PRLR: variants seen among roughly 807,000 people sequenced by gnomAD.
The protein encoded by PRLR is prolactin receptor, also known as hPRL receptor.
In PRLR, 13 loss-of-function variants were observed where a neutral mutation model predicts 40.2. The observed-to-expected ratio is 0.32, with a 90% CI of 0.21 to 0.51. The LOEUF is 0.51. Ranked by LOEUF, PRLR falls within the 20% of genes least tolerant of loss-of-function variation. PRLR has a pLI of 0.97. For missense variants in PRLR, 656 were observed against 747.3 expected (o/e 0.88, Z 1.42); for synonymous variants, 269 against 278.7 (o/e 0.97, Z 0.35).
rs546706494 is a variant in PRLR, at chr5:35,125,790, C to T, written c.-105-7668G>A. On this transcript the variant is annotated intron_variant, in intron 1 of 9. Transcript: ENST00000618457. Reference sequence around the variant, plus strand: ...TTTAAGATCAGTAGCCAAAATTGTTCCTATTTTACACTGCATAATCAGGAA... The same window carrying T: ...TTTAAGATCAGTAGCCAAAATTGTTTCTATTTTACACTGCATAATCAGGAA... Among the ~76,000 whole-genome samples the T allele has an allele frequency of 3.9e-5, 6 of 152,300 alleles. No homozygotes were observed. The South Asian group carries it at 1.2e-3, about 32-fold the overall frequency.
At position 35,064,519 on chromosome 5, in the gene PRLR, A is replaced by T. The variant is rs1377566384; in HGVS notation, c.*570T>A. 6.6e-6 allele frequency: 1 copy of T among 152,648 alleles called. No individual in the cohort carries two copies. The highest frequency in any genetic ancestry group is 2.4e-5 in the African/African-American group (1 of 41,448). The allele number at this position is 152,648 out of a possible 1,614,324, so 9.5% of individuals were successfully genotyped here. A position where few individuals can be genotyped will look rare whatever the true frequency, so the allele number is the denominator to read the frequency against. ...ATTTTAAGAAAAAATTGGAGGCATT[A>T]TTTCTTACTTGCATATCAGCAATGT... On this transcript the variant is annotated 3_prime_UTR_variant, in exon 10 of 10. Coordinates refer to ENST00000618457, the MANE Select transcript of PRLR (RefSeq NM_000949.7).
chr5:35,130,496 C>T (rs1773633379), intron 1 of PRLR, among the ~76,000 whole-genome samples: 1 of 152,116 alleles, frequency 6.6e-6, no homozygotes, highest in African/African-American at 2.4e-5. Flanking sequence ...CAGGATGGGA[C>T]AAGTGATTCT....
Position 35,118,061 on chromosome 5 carries a change from C to T in PRLR, c.-44G>A, listed in dbSNP as rs546466515. 161 of 985,078 alleles carry T rather than the reference C, an allele frequency of 1.6e-4. No individual in the cohort carries two copies. In the African/African-American group the frequency reaches 2.6e-3, roughly 16 times the overall value. The allele number at this position is 985,078 out of a possible 1,614,324, so 61.0% of individuals were successfully genotyped here. A position where few individuals can be genotyped will look rare whatever the true frequency, so the allele number is the denominator to read the frequency against. ...GGGCATGAGAACAAGTCCCCCTTAC[C>T]TTCAGGGTTCATGTGGAAAGCATCC... On this transcript the variant is annotated splice_region_variant and 5_prime_UTR_variant, in exon 2 of 10. The change creates a new upstream start codon in the 5' untranslated region. Coordinates refer to ENST00000618457, the MANE Select transcript of PRLR (RefSeq NM_000949.7).
intron 1 of PRLR, chr5:35,195,806 C>G: frequency 6.6e-6 from 1 of 152,180 alleles, no homozygotes; most frequent in East Asian, 1.9e-4. Flanking sequence ...CTGGAAAATG[C>G]AAGGATACAT....
intron 1 of PRLR, among the ~76,000 whole-genome samples, chr5:35,135,925 C>A (rs191900451): frequency 6.6e-6 from 1 of 152,114 alleles, no homozygotes; most frequent in Non-Finnish European, 1.5e-5. Flanking sequence ...AAGCTTTGTC[C>A]GAATAGGGGA....
At chr5:35,091,131 A>C (rs1013579207) in intron 2 of PRLR, among the ~76,000 whole-genome samples, 9 of 152,042 alleles carry the variant, frequency 5.9e-5, no homozygotes, top group African/African-American at 1.9e-4. Context: ...TTTCATAATG[A>C]GGCTCCAGCT....
intron 1 of PRLR, among the ~76,000 whole-genome samples, chr5:35,205,378 C>A (rs974494739): frequency 1.3e-5 from 2 of 152,112 alleles, no homozygotes; most frequent in Non-Finnish European, 2.9e-5. Context: ...TCACTGTAAA[C>A]CACAATTATT....
rs116467736 is a variant in PRLR at position 35,118,166 on chromosome 5, G to A, written c.-105-44C>T. 639 of 938,154 alleles carry A rather than the reference G, an allele frequency of 6.8e-4. 5 individuals carry two copies. In the African/African-American group the frequency reaches 0.01, roughly 15 times the overall value. 58.1% of individuals were successfully genotyped at this position (938,154 alleles called of 1,614,324 possible). Reference sequence around the variant, plus strand: ...CATTTTAGCTCCAAGATGACAAAACGGGAGATTCCATTTCTGGCTCACTCT... The same window carrying A: ...CATTTTAGCTCCAAGATGACAAAACAGGAGATTCCATTTCTGGCTCACTCT... On this transcript the variant is annotated intron_variant, in intron 1 of 9. Coordinates refer to ENST00000618457, the MANE Select transcript of PRLR (RefSeq NM_000949.7).
At chr5:35,211,986 G>T (rs985355215) in intron 1 of PRLR, among the ~76,000 whole-genome samples, 1 of 152,186 alleles carries the variant, frequency 6.6e-6, no homozygotes, top group Non-Finnish European at 1.5e-5. Context: ...CAAGAGCAGA[G>T]TTGAGGAATT....
At chr5:35,224,661 G>A (rs1489488875) in intron 1 of PRLR, among the ~76,000 whole-genome samples, 12 of 152,104 alleles carry the variant, frequency 7.9e-5, no homozygotes, top group Admixed American at 7.9e-4. Context: ...TTCACCATTA[G>A]CATTTTTTGT....
At chr5:35,145,487 A>C (rs1774156700) in intron 1 of PRLR, among the ~76,000 whole-genome samples, 1 of 152,144 alleles carries the variant, frequency 6.6e-6, no homozygotes, top group African/African-American at 2.4e-5. Flanking sequence ...TTCTTACCAA[A>C]TGCACCCTTT....
At chr5:35,150,522 T>C (rs1345545578) in intron 1 of PRLR, among the ~76,000 whole-genome samples, 5 of 152,314 alleles carry the variant, frequency 3.3e-5, no homozygotes, top group Non-Finnish European at 2.9e-5. Context: ...AACTCTAAGA[T>C]GGATTAAAAT....
intron 3 of PRLR, among the ~76,000 whole-genome samples, chr5:35,089,008 A>T (rs1392712354): frequency 6.6e-6 from 1 of 152,234 alleles, no homozygotes; most frequent in Non-Finnish European, 1.5e-5. Context: ...ATGGGTTGAC[A>T]TACAGAAGTG....
chr5:35,153,195 C>G (rs1055563888), intron 1 of PRLR, among the ~76,000 whole-genome samples: 8 of 152,226 alleles, frequency 5.3e-5, no homozygotes, highest in Admixed American at 2.6e-4. Flanking sequence ...TGATTAGTAG[C>G]GATCCTTCCA....
chr5:35,051,551 G>A (rs906216928), downstream of PRLR, among the ~76,000 whole-genome samples: 6 of 152,176 alleles, frequency 3.9e-5, no homozygotes, highest in Non-Finnish European at 2.9e-5. Context: ...GTTCCTGTAT[G>A]GGGGAAGAGC....
intron 1 of PRLR, among the ~76,000 whole-genome samples, chr5:35,202,234 G>A (rs1775901447): frequency 6.6e-6 from 1 of 152,176 alleles, no homozygotes; most frequent in African/African-American, 2.4e-5. Flanking sequence ...ACTAGCATTT[G>A]GAAGGATAAG....
At chr5:35,096,850 T>C (rs1331528514) in intron 2 of PRLR, among the ~76,000 whole-genome samples, 6 of 152,156 alleles carry the variant, frequency 3.9e-5, no homozygotes, top group Non-Finnish European at 5.9e-5. Context: ...GAACTCCTGG[T>C]CTCAAGTGAT....
At chr5:35,113,251 A>G (rs1579678733) in intron 2 of PRLR, among the ~76,000 whole-genome samples, 1 of 128,266 alleles carries the variant, frequency 7.8e-6, no homozygotes, top group African/African-American at 3.1e-5. Context: ...TCAACCACCC[A>G]CCCATTTATC....
chr5:35,161,317 C>T (rs992726626), intron 1 of PRLR, among the ~76,000 whole-genome samples: 2 of 152,216 alleles, frequency 1.3e-5, no homozygotes, highest in African/African-American at 4.8e-5. Flanking sequence ...CTGGTAATAA[C>T]TTCATTTCAA....
Sources: allele counts gnomAD v4.1 joint callset (sites outside exome capture counted in the v4.1 genomes callset), GRCh38; gene constraint gnomAD v4.1.1; transcripts MANE v1.5; gene names NCBI Gene and HGNC (gene_info 2026-07-23, HGNC 2026-07-21).